The following NOX3 variants were observed in gnomAD, a reference collection of about 807,000 sequenced individuals.
NOX3 encodes NADPH oxidase 3, also known as NADPH oxidase catalytic subunit-like 3.
NOX3 carries 74 observed loss-of-function variants against 76.7 expected under a neutral mutation model. That is an observed-to-expected ratio of 0.96 (90% CI 0.80 to 1.17). The LOEUF (loss-of-function observed/expected upper bound fraction) is 1.17. Among genes scored for constraint, NOX3 ranks in the 50% most tolerant of loss-of-function variants. The probability of loss-of-function intolerance (pLI) is 0.00; values close to 1 mark genes in which losing one functional copy is unlikely to be tolerated. For missense variants in NOX3, 695 were observed against 703.3 expected (o/e 0.99, Z 0.13); for synonymous variants, 263 against 261.1 (o/e 1.01, Z -0.07).
chr6:155,397,310 C>A (rs575401180), intron 12 of NOX3, among the ~76,000 whole-genome samples: 1 of 152,050 alleles, frequency 6.6e-6, no homozygotes, highest in South Asian at 2.1e-4. Flanking sequence ...GTCCATAGAG[C>A]CTAAAATGAT....
intron 12 of NOX3, among the ~76,000 whole-genome samples, chr6:155,399,856 G>A (rs947347909): frequency 3.3e-5 from 5 of 151,926 alleles, no homozygotes; most frequent in Non-Finnish European, 5.9e-5. Context: ...GAGATTCTCC[G>A]CAAAAGAAGT....
At chr6:155,435,444 A>G (rs772324474) in intron 7 of NOX3, among the ~76,000 whole-genome samples, 7 of 152,138 alleles carry the variant, frequency 4.6e-5, no homozygotes, top group Non-Finnish European at 7.4e-5. Context: ...GGGCATATCT[A>G]TTCCGGTTCT....
At chr6:155,413,284 G>C (rs1301267056) in intron 10 of NOX3, among the ~76,000 whole-genome samples, 1 of 152,106 alleles carries the variant, frequency 6.6e-6, no homozygotes, top group Non-Finnish European at 1.5e-5. Flanking sequence ...ACCTTTCCAG[G>C]AAGAGCCTGG....
intron 9 of NOX3, among the ~76,000 whole-genome samples, chr6:155,424,359 A>G (rs1210941761): frequency 6.6e-6 from 1 of 152,230 alleles, no homozygotes; most frequent in Non-Finnish European, 1.5e-5. Flanking sequence ...GTTCAATAAC[A>G]ATTGGTTGAA....
rs547905962 is a variant in NOX3, at chr6:155,422,969, G to A, written c.1146-113C>T. On this transcript the variant is annotated intron_variant, in intron 9 of 13. Transcript: ENST00000159060. The stretch of plus-strand genomic sequence containing the variant: ...GGACGTGTTTGCCAGTGCATGCAGA[G>A]GTTGACTCTGTGCCTGAAAATGCCC... 27 of 1,049,426 alleles carry A rather than the reference G, an allele frequency of 2.6e-5. No homozygotes were observed. In the East Asian group the frequency reaches 5.8e-4, roughly 23 times the overall value. The allele number at this position is 1,049,426 out of a possible 1,614,324, so 65.0% of individuals were successfully genotyped here. A position where few individuals can be genotyped will look rare whatever the true frequency, so the allele number is the denominator to read the frequency against.
chr6:155,420,435 A>G (rs115838905), intron 10 of NOX3, among the ~76,000 whole-genome samples: 62 of 152,364 alleles, frequency 4.1e-4, no homozygotes, highest in African/African-American at 1.4e-3. Context: ...ATCACGAACC[A>G]AAACAAAGCA....
At chr6:155,423,512 A>G (rs149478086) in intron 9 of NOX3, among the ~76,000 whole-genome samples, 1 of 152,288 alleles carries the variant, frequency 6.6e-6, no homozygotes, top group Non-Finnish European at 1.5e-5. Flanking sequence ...TTTTCTTAAT[A>G]AGGATAAAGT....
Position 155,411,318 on chromosome 6 carries a change from A to ACTCAAAAGC in NOX3, c.1342_1350dup (p.Ala448_Glu450dup), listed in dbSNP as rs1234945216. 2 of 1,613,936 alleles carry ACTCAAAAGC rather than the reference A, an allele frequency of 1.2e-6. No individual in the cohort carries two copies. The highest frequency in any genetic ancestry group is 1.7e-6 in the Non-Finnish European group (2 of 1,179,924). ...AGGGAGAGTAAGAGATCAGCAAACCACTCAAAAGCTCTTGCATCCCGGCAA... is the reference window on the plus strand; with the variant it reads ...AGGGAGAGTAAGAGATCAGCAAACCACTCAAAAGCCTCAAAAGCTCTTGCATCCCGGCAA... On this transcript the variant is annotated inframe_insertion, in exon 11 of 14. Coordinates refer to ENST00000159060, the MANE Select transcript of NOX3 (RefSeq NM_015718.3).
At chr6:155,441,993 G>A (rs370245223) in intron 5 of NOX3, among the ~76,000 whole-genome samples, 4 of 152,164 alleles carry the variant, frequency 2.6e-5, no homozygotes, top group African/African-American at 4.8e-5. Context: ...AGCCGAGCGC[G>A]GTGGCTCACG....
At chr6:155,409,926 A>G (rs1776519586) in intron 11 of NOX3, among the ~76,000 whole-genome samples, 1 of 152,166 alleles carries the variant, frequency 6.6e-6, no homozygotes, top group African/African-American at 2.4e-5. Context: ...CCTCAGTCCC[A>G]CAGCTCCCAG....
intron 12 of NOX3, 134 bp downstream of exon 12, chr6:155,406,996 G>A: frequency 1.1e-6 from 1 of 935,710 alleles, no homozygotes; most frequent in Non-Finnish European, 1.6e-6. Context: ...ATATACCATT[G>A]ATCACCTTTT....
intron 4 of NOX3, among the ~76,000 whole-genome samples, chr6:155,448,495 G>A (rs918416686): frequency 3.3e-5 from 5 of 152,040 alleles, no homozygotes; most frequent in African/African-American, 1.2e-4. Context: ...AGGCTAAAAG[G>A]TGCTATAGCT....
chr6:155,417,104 A>G (rs1289974719), intron 10 of NOX3, among the ~76,000 whole-genome samples: 2 of 152,142 alleles, frequency 1.3e-5, no homozygotes, highest in Admixed American at 6.5e-5. Flanking sequence ...TATCCACACT[A>G]TGGAATACTC....
intron 8 of NOX3, among the ~76,000 whole-genome samples, 155 bp downstream of exon 8, chr6:155,430,688 A>G (rs1011128958): frequency 1.3e-5 from 2 of 152,078 alleles, no homozygotes; most frequent in African/African-American, 4.8e-5. Context: ...AGTCACACTA[A>G]AAGATGCTCA....
chr6:155,443,106 T>A (rs1302018938), intron 5 of NOX3, among the ~76,000 whole-genome samples, 167 bp downstream of exon 5: 1 of 152,150 alleles, frequency 6.6e-6, no homozygotes, highest in Non-Finnish European at 1.5e-5. Context: ...GCAACATTAA[T>A]GAGAAAAAAA....
chr6:155,445,919 A>G (rs192874909), intron 4 of NOX3, among the ~76,000 whole-genome samples: 1,522 of 142,274 alleles, frequency 0.011, 15 homozygotes, highest in South Asian at 0.019. Flanking sequence ...TGCTATAGAT[A>G]TATAATATAT....
Position 155,407,152 on chromosome 6 carries a change from G to T in NOX3, c.1558C>A (p.Gln520Lys), listed in dbSNP as rs1776474981. 4 of 1,613,934 alleles carry T rather than the reference G, an allele frequency of 2.5e-6. No individual in the cohort carries two copies. Among genetic ancestry groups the T allele is most frequent in the Non-Finnish European group, 3.4e-6 (4 of 1,179,966 alleles). ...TACCTGGGGTGATTGTAGGCAATCT[G>T]CTTGAACTCATTGTTCCAGTTGGGC... The part of the protein sequence containing the change: ...GRPNWNNEFK[Q>K]IAYNHPSSSI... Residue 520 changes from glutamine to lysine, a missense_variant, in exon 12 of 14, where the codon CAG becomes AAG. Coordinates refer to ENST00000159060, the MANE Select transcript of NOX3 (RefSeq NM_015718.3).
chr6:155,416,573 A>G (rs1776623593), intron 10 of NOX3, among the ~76,000 whole-genome samples: 1 of 152,172 alleles, frequency 6.6e-6, no homozygotes, highest in South Asian at 2.1e-4. Flanking sequence ...GGCTTTGTCA[A>G]TAATTTTTCA....
intron 4 of NOX3, among the ~76,000 whole-genome samples, chr6:155,451,240 A>G (rs1352976220): frequency 6.6e-6 from 1 of 152,068 alleles, no homozygotes; most frequent in African/African-American, 2.4e-5. Context: ...CGGCCTCCCA[A>G]AGTGCTGGGA....
Sources: gnomAD v4.1 joint callset for allele counts (sites outside exome capture counted in the v4.1 genomes callset) on GRCh38, gnomAD v4.1.1 for gene constraint, MANE v1.5 for transcripts, NCBI Gene and HGNC (gene_info 2026-07-23, HGNC 2026-07-21) for gene names.